Variants in MAPK10 observed in about 807,000 individuals in gnomAD.
MAPK10 encodes the protein mitogen-activated protein kinase 10.
In MAPK10, 25 loss-of-function variants were observed where a neutral mutation model predicts 59.3. The observed-to-expected ratio is 0.42, with a 90% CI of 0.31 to 0.59. MAPK10 has a LOEUF of 0.59. MAPK10 is among the 20% of genes least tolerant of loss of function. The probability of loss-of-function intolerance (pLI) is 0.15; values close to 1 mark genes in which losing one functional copy is unlikely to be tolerated. For synonymous variants in MAPK10, 190 were observed against 200.5 expected, an observed-to-expected ratio of 0.95 and a Z score of 0.44; for missense variants, 351 against 568.9, an observed-to-expected ratio of 0.62 and a Z score of 3.90.
chr4:86,584,470 G>A (rs114835718), intron 1 of MAPK10, among the ~76,000 whole-genome samples: 7,085 of 152,080 alleles, frequency 0.047, 219 homozygotes, highest in African/African-American at 0.061. Context: ...CCTACGAGAG[G>A]GTCTCACTCT....
chr4:86,194,120 G>A (rs1052736897), intron 3 of MAPK10: 10 of 522,226 alleles, frequency 1.9e-5, no homozygotes, highest in Admixed American at 1.0e-4. Context: ...GGTACCTCAC[G>A]TGGAAATGCA....
chr4:86,484,155 C>T (rs544139973), intron 1 of MAPK10, among the ~76,000 whole-genome samples: 2 of 152,280 alleles, frequency 1.3e-5, no homozygotes, highest in South Asian at 2.1e-4. Flanking sequence ...GAGAATTTAA[C>T]AGGATGTTTA....
intron 2 of MAPK10, among the ~76,000 whole-genome samples, chr4:86,236,517 T>C (rs2092247595): frequency 6.6e-6 from 1 of 152,258 alleles, no homozygotes; most frequent in South Asian, 2.1e-4. Context: ...AAGGAGACTG[T>C]GTTCCAAAAC....
At chr4:86,343,046 C>T (rs1725963340) in intron 2 of MAPK10, among the ~76,000 whole-genome samples, 1 of 152,172 alleles carries the variant, frequency 6.6e-6, no homozygotes, top group Admixed American at 6.5e-5. Flanking sequence ...GATGCCATGT[C>T]CCCTATGCAT....
intron 11 of MAPK10, among the ~76,000 whole-genome samples, chr4:86,035,752 TAAAG>T (rs946593971): frequency 6.6e-6 from 1 of 152,156 alleles, no homozygotes; most frequent in African/African-American, 2.4e-5. Context: ...TGAAGCCATC[TAAAG>T]AAATAGAGAA....
intron 2 of MAPK10, among the ~76,000 whole-genome samples, chr4:86,260,370 T>C (rs1279216450): frequency 6.6e-6 from 1 of 152,142 alleles, no homozygotes; most frequent in African/African-American, 2.4e-5. Flanking sequence ...ATTATTAGTC[T>C]AATAAATTGC....
chr4:86,507,560 G>C (rs1246943542), intron 1 of MAPK10, among the ~76,000 whole-genome samples: 1 of 135,060 alleles, frequency 7.4e-6, no homozygotes, highest in African/African-American at 2.8e-5. Flanking sequence ...GCCTACAAAG[G>C]AGACAGACTA....
chr4:86,585,421 A>C (rs1762592286), intron 1 of MAPK10, among the ~76,000 whole-genome samples: 2 of 152,206 alleles, frequency 1.3e-5, no homozygotes, highest in South Asian at 4.1e-4. Context: ...ACAAAAACTA[A>C]AACAAAAAAC....
intron 4 of MAPK10, among the ~76,000 whole-genome samples, chr4:86,139,660 A>C (rs2063150906): frequency 6.6e-6 from 1 of 152,242 alleles, no homozygotes; most frequent in South Asian, 2.1e-4. Flanking sequence ...AAGCAATGGC[A>C]ACAAAAGACA....
intron 2 of MAPK10, among the ~76,000 whole-genome samples, chr4:86,264,896 T>C (rs1377544972): frequency 6.8e-6 from 1 of 146,488 alleles, no homozygotes; most frequent in Non-Finnish European, 1.5e-5. Flanking sequence ...GACTTTTTTT[T>C]TTTTTTTTTT....
chr4:86,441,504 T>C (rs1048451103), intron 1 of MAPK10, among the ~76,000 whole-genome samples: 1 of 152,252 alleles, frequency 6.6e-6, no homozygotes, highest in Non-Finnish European at 1.5e-5. Context: ...TATTTCACAA[T>C]AGAAATTTCA....
intron 1 of MAPK10, among the ~76,000 whole-genome samples, chr4:86,562,950 A>G (rs951321286): frequency 2.6e-5 from 4 of 152,204 alleles, no homozygotes; most frequent in African/African-American, 9.6e-5. Context: ...GCTCTCTGTC[A>G]TCTAAATGCT....
intron 1 of MAPK10, among the ~76,000 whole-genome samples, chr4:86,515,944 G>T (rs1178870906): frequency 1.3e-5 from 2 of 151,232 alleles, no homozygotes; most frequent in African/African-American, 2.4e-5. Context: ...TCTTGGTCAT[G>T]AACTCTTTGC....
chr4:86,236,985 C>T (rs570806273), intron 2 of MAPK10, among the ~76,000 whole-genome samples: 2 of 151,718 alleles, frequency 1.3e-5, no homozygotes, highest in African/African-American at 4.9e-5. Flanking sequence ...AGTTGCCTCC[C>T]CTAGACCCCC....
At chr4:86,448,917 T>C (rs1441099006) in intron 1 of MAPK10, among the ~76,000 whole-genome samples, 1 of 152,198 alleles carries the variant, frequency 6.6e-6, no homozygotes, top group African/African-American at 2.4e-5. Context: ...CATCAGGCAT[T>C]AGATTCTTAT....
intron 1 of MAPK10, chr4:86,371,018 A>C: frequency 6.6e-6 from 1 of 152,220 alleles, no homozygotes; most frequent in Non-Finnish European, 1.5e-5. Context: ...CAAGAAGGAA[A>C]GCAGTGGAAT....
chr4:86,497,474 T>TG (rs1345560237), intron 1 of MAPK10, among the ~76,000 whole-genome samples: 1 of 152,088 alleles, frequency 6.6e-6, no homozygotes, highest in East Asian at 1.9e-4. Context: ...GTAGGACCAA[T>TG]GGAGTGCAGC....
At chr4:86,231,819 G>A (rs185735482) in intron 2 of MAPK10, among the ~76,000 whole-genome samples, 1 of 152,248 alleles carries the variant, frequency 6.6e-6, no homozygotes, top group East Asian at 1.9e-4. Flanking sequence ...TATGTAAAAT[G>A]AAAATGCAGG....
At chr4:86,029,784 A>G (rs190552402) in intron 12 of MAPK10, among the ~76,000 whole-genome samples, 2 of 151,404 alleles carry the variant, frequency 1.3e-5, no homozygotes, top group East Asian at 1.9e-4. Context: ...ATTATTACCA[A>G]TCCTTACAAC....
Sources: gnomAD v4.1 joint callset for allele counts (sites outside exome capture counted in the v4.1 genomes callset) on GRCh38, gnomAD v4.1.1 for gene constraint, MANE v1.5 for transcripts, NCBI Gene and HGNC (gene_info 2026-07-23, HGNC 2026-07-21) for gene names.